BRD10: variants seen among roughly 807,000 people sequenced by gnomAD.
The protein encoded by BRD10 is uncharacterized bromodomain-containing protein 10.
chr9:5,897,427 C>A, the BRD10 span: 1 of 803,008 alleles, frequency 1.2e-6, no homozygotes, highest in Non-Finnish European at 2.1e-6. Context: ...AGGTGGGAAA[C>A]TACTTGGACA....
chr9:5,983,953 T>C, the BRD10 span, among the ~76,000 whole-genome samples: 4 of 136,550 alleles, frequency 2.9e-5, no homozygotes, highest in African/African-American at 1.1e-4. Flanking sequence ...GTCATATATG[T>C]ATATGCATTA....
the BRD10 span, among the ~76,000 whole-genome samples, chr9:5,934,069 A>G: frequency 6.6e-6 from 1 of 152,222 alleles, no homozygotes; most frequent in Non-Finnish European, 1.5e-5. Context: ...CAAAACAGGT[A>G]TCGGCAGTCA....
At chr9:5,988,587 G>C in the BRD10 span, 55 of 1,486,986 alleles carry the variant, frequency 3.7e-5, no homozygotes, top group East Asian at 1.2e-3. Flanking sequence ...AAATCTTCTG[G>C]ATAAGCAATA....
chr9:5,896,781 TG>T, the BRD10 span, among the ~76,000 whole-genome samples: 1 of 152,300 alleles, frequency 6.6e-6, no homozygotes, highest in East Asian at 1.9e-4. Flanking sequence ...CAGGGGTCAC[TG>T]AACACAGGGC....
chr9:5,995,095 TTCTCCA>T, the BRD10 span, among the ~76,000 whole-genome samples: 1 of 152,210 alleles, frequency 6.6e-6, no homozygotes, highest in African/African-American at 2.4e-5. Flanking sequence ...GAGACGGGGT[TTCTCCA>T]TGTTGGTCAG....
chr9:5,986,954 T>C, the BRD10 span, among the ~76,000 whole-genome samples: 544 of 152,324 alleles, frequency 3.6e-3, 3 homozygotes, highest in African/African-American at 0.013. Flanking sequence ...TCTTTGCTAG[T>C]TTTACCATTT....
chr9:5,966,770 T>A, the BRD10 span, among the ~76,000 whole-genome samples: 8 of 152,196 alleles, frequency 5.3e-5, no homozygotes, highest in African/African-American at 1.9e-4. Context: ...GAGACTAACA[T>A]TTCAAAGTGA....
the BRD10 span, chr9:5,920,365 G>A: frequency 1.9e-6 from 3 of 1,613,698 alleles, no homozygotes; most frequent in Non-Finnish European, 2.5e-6. Context: ...TGGTATTGAT[G>A]ACTATTTTTT....
the BRD10 span, chr9:5,907,117 A>G: frequency 5.5e-6 from 3 of 540,648 alleles, no homozygotes; most frequent in Admixed American, 8.4e-5. Context: ...CCACTGAACT[A>G]TATACACCTA....
chr9:5,968,661 G>T, the BRD10 span: 1 of 1,613,800 alleles, frequency 6.2e-7, no homozygotes, highest in Non-Finnish European at 8.5e-7. Context: ...CTACATCTAT[G>T]TTCTCCATTA....
chr9:5,951,709 T>C, the BRD10 span, among the ~76,000 whole-genome samples: 12 of 152,314 alleles, frequency 7.9e-5, no homozygotes, highest in African/African-American at 1.4e-4. Context: ...AGTAACACAC[T>C]ACATAAAATT....
the BRD10 span, among the ~76,000 whole-genome samples, chr9:5,936,175 G>GC: frequency 6.6e-6 from 1 of 152,098 alleles, no homozygotes; most frequent in Admixed American, 6.6e-5. Context: ...GGGAAACATG[G>GC]CAAAACCCTG....
chr9:5,968,051 T>C, the BRD10 span: 3 of 1,530,294 alleles, frequency 2.0e-6, no homozygotes, highest in South Asian at 2.5e-5. Context: ...TGCTTTTTTT[T>C]TGATGATCAA....
the BRD10 span, among the ~76,000 whole-genome samples, chr9:5,933,144 A>G: frequency 1.5e-4 from 23 of 152,314 alleles, no homozygotes; most frequent in East Asian, 4.0e-3. Flanking sequence ...TCTCTAATAA[A>G]AATATATTTA....
chr9:5,903,089 T>C, the BRD10 span, among the ~76,000 whole-genome samples: 9 of 152,166 alleles, frequency 5.9e-5, no homozygotes, highest in Non-Finnish European at 1.2e-4. Context: ...GACTCATGTG[T>C]TATGTAGAAG....
chr9:5,923,421 C>T, the BRD10 span: 1 of 777,374 alleles, frequency 1.3e-6, no homozygotes, highest in East Asian at 2.7e-5. Context: ...ATTAAGAAAT[C>T]TACTGCAGGG....
chr9:5,928,156 C>G, the BRD10 span, among the ~76,000 whole-genome samples: 1 of 152,118 alleles, frequency 6.6e-6, no homozygotes, highest in African/African-American at 2.4e-5. Flanking sequence ...TCATTCCTCA[C>G]TTTCTCTCAT....
the BRD10 span, among the ~76,000 whole-genome samples, chr9:5,913,145 T>C: frequency 6.6e-6 from 1 of 152,234 alleles, no homozygotes; most frequent in East Asian, 1.9e-4. Context: ...AAAGATTTTC[T>C]GCCCAGGTTA....
chr9:5,922,864 T>G, the BRD10 span: 1 of 1,614,012 alleles, frequency 6.2e-7, no homozygotes, highest in Non-Finnish European at 8.5e-7. Context: ...TCGGGCTTGC[T>G]TCCGGAGGAG....
Sources: gnomAD v4.1 joint callset for allele counts (sites outside exome capture counted in the v4.1 genomes callset) on GRCh38, gnomAD v4.1.1 for gene constraint, MANE v1.5 for transcripts, NCBI Gene and HGNC (gene_info 2026-07-23, HGNC 2026-07-21) for gene names.